Variants in DLG2 observed in about 807,000 individuals in gnomAD.
The protein encoded by DLG2 is discs large MAGUK scaffold protein 2.
A neutral mutation model predicts 132.5 loss-of-function variants in DLG2; 45 were observed. The ratio of observed to expected loss-of-function variants is 0.34; its 90% CI spans 0.27 to 0.44. The LOEUF (loss-of-function observed/expected upper bound fraction) is 0.44, where lower values mean the gene tolerates loss of function less well. Ranked by LOEUF, DLG2 falls within the 20% of genes least tolerant of loss-of-function variation. DLG2 has a pLI of 1.00. For missense variants in DLG2, 1,045 were observed against 1,196.9 expected (o/e 0.87, Z 1.87); for synonymous variants, 424 against 419.6 (o/e 1.01, Z -0.13).
chr11:83,937,238 T>A (rs1300287469), intron 14 of DLG2, among the ~76,000 whole-genome samples: 1 of 152,236 alleles, frequency 6.6e-6, no homozygotes, highest in Non-Finnish European at 1.5e-5. Context: ...CCGGGCGCGG[T>A]GGCTCATGCC....
chr11:84,519,959 T>A (rs2099290309), intron 7 of DLG2, among the ~76,000 whole-genome samples: 1 of 152,144 alleles, frequency 6.6e-6, no homozygotes, highest in Non-Finnish European at 1.5e-5. Context: ...GGGGTCATAG[T>A]TTTTCAAATC....
chr11:85,378,569 T>C (rs1333460280), intron 3 of DLG2, among the ~76,000 whole-genome samples: 1 of 152,112 alleles, frequency 6.6e-6, no homozygotes, highest in Non-Finnish European at 1.5e-5. Flanking sequence ...TATATATAGA[T>C]AGATGTGTGT....
chr11:84,683,187 A>C (rs935601407), intron 6 of DLG2, among the ~76,000 whole-genome samples: 1 of 152,212 alleles, frequency 6.6e-6, no homozygotes, highest in Admixed American at 6.5e-5. Flanking sequence ...CTTATGGTAT[A>C]GTGACTGAAA....
chr11:83,527,724 AC>A (rs145787701), intron 21 of DLG2, among the ~76,000 whole-genome samples: 3,897 of 152,270 alleles, frequency 0.026, 196 homozygotes, highest in African/African-American at 0.09. Flanking sequence ...TAAAAGAGAC[AC>A]ACATTGCACG....
intron 7 of DLG2, among the ~76,000 whole-genome samples, chr11:84,410,542 T>C (rs186716657): frequency 1.1e-4 from 17 of 150,616 alleles, no homozygotes; most frequent in Admixed American, 1.1e-3. Context: ...GACTCTACTA[T>C]ATAAACAATC....
intron 19 of DLG2, among the ~76,000 whole-genome samples, chr11:83,625,847 C>A (rs1591199361): frequency 2.0e-5 from 3 of 152,332 alleles, no homozygotes; most frequent in Admixed American, 2.0e-4. Context: ...CAGGTAGAGC[C>A]TGCATCCTGA....
At chr11:84,418,793 G>T (rs567067078) in intron 7 of DLG2, among the ~76,000 whole-genome samples, 1 of 151,944 alleles carries the variant, frequency 6.6e-6, no homozygotes, top group Non-Finnish European at 1.5e-5. Context: ...CTCTTATCCC[G>T]TTGCTTTCCC....
chr11:83,645,073 A>C (rs2067745121), intron 18 of DLG2, among the ~76,000 whole-genome samples: 1 of 152,138 alleles, frequency 6.6e-6, no homozygotes, highest in Non-Finnish European at 1.5e-5. Context: ...ATGGTGAAGA[A>C]GATGGGAATG....
At chr11:83,946,734 T>C (rs11233836) in intron 14 of DLG2, among the ~76,000 whole-genome samples, 1 of 152,156 alleles carries the variant, frequency 6.6e-6, no homozygotes, top group Non-Finnish European at 1.5e-5. Flanking sequence ...CACTGGCGAA[T>C]ACACACACGT....
At chr11:84,002,853 A>G (rs1294768589) in intron 11 of DLG2, among the ~76,000 whole-genome samples, 2 of 152,120 alleles carry the variant, frequency 1.3e-5, no homozygotes, top group Admixed American at 6.5e-5. Context: ...CTTTTCAGAA[A>G]ATTGTTTTAT....
intron 8 of DLG2, among the ~76,000 whole-genome samples, chr11:84,207,162 A>G (rs540636865): frequency 4.6e-4 from 70 of 151,978 alleles, no homozygotes; most frequent in African/African-American, 1.7e-3. Flanking sequence ...ACATAAATGG[A>G]AAAATATACC....
At chr11:84,138,974 A>C in intron 9 of DLG2, among the ~76,000 whole-genome samples, 2 of 149,402 alleles carry the variant, frequency 1.3e-5, no homozygotes, top group East Asian at 2.0e-4. Context: ...AAAAAAATTC[A>C]CTTTAACAAC....
chr11:83,581,129 A>G (rs1055848062), intron 19 of DLG2, among the ~76,000 whole-genome samples: 10 of 151,908 alleles, frequency 6.6e-5, no homozygotes, highest in African/African-American at 2.4e-4. Context: ...TCGAAGGCTG[A>G]GAGAGTCTTG....
intron 3 of DLG2, among the ~76,000 whole-genome samples, chr11:85,341,854 C>T (rs1363913708): frequency 6.6e-6 from 1 of 152,158 alleles, no homozygotes; most frequent in Non-Finnish European, 1.5e-5. Flanking sequence ...CAAACCTGTA[C>T]AGCATGTTAT....
chr11:84,531,781 G>T (rs2099342176), intron 7 of DLG2, among the ~76,000 whole-genome samples: 3 of 152,196 alleles, frequency 2.0e-5, no homozygotes, highest in South Asian at 4.1e-4. Context: ...TCAATAAAAG[G>T]CTAGGAAATT....
chr11:85,015,291 T>C (rs1316919969), intron 6 of DLG2, among the ~76,000 whole-genome samples: 7 of 152,162 alleles, frequency 4.6e-5, no homozygotes, highest in African/African-American at 1.7e-4. Flanking sequence ...ACACACTGTC[T>C]ATTTGCAGTC....
intron 4 of DLG2, among the ~76,000 whole-genome samples, chr11:85,170,936 TA>T (rs199820219): frequency 5.1e-4 from 67 of 130,290 alleles, no homozygotes; most frequent in Admixed American, 5.3e-4. Context: ...GCATAACAAA[TA>T]AAAAAAAAAA....
At chr11:84,118,322 C>T (rs1027758948) in intron 9 of DLG2, among the ~76,000 whole-genome samples, 1 of 152,138 alleles carries the variant, frequency 6.6e-6, no homozygotes, top group Non-Finnish European at 1.5e-5. Context: ...TAACAGTTTG[C>T]CCGATGGAAG....
At chr11:84,081,585 G>C (rs920556874) in intron 10 of DLG2, among the ~76,000 whole-genome samples, 9 of 152,094 alleles carry the variant, frequency 5.9e-5, no homozygotes, top group African/African-American at 1.7e-4. Context: ...GTTTGGTTTT[G>C]TGTCCTTGTG....
Sources: allele counts gnomAD v4.1 joint callset (sites outside exome capture counted in the v4.1 genomes callset), GRCh38; gene constraint gnomAD v4.1.1; transcripts MANE v1.5; gene names NCBI Gene and HGNC (gene_info 2026-07-23, HGNC 2026-07-21).